The following UTRN variants were observed in gnomAD, a reference collection of about 807,000 sequenced individuals.
UTRN encodes utrophin, also known as dystrophin-related protein 1.
In UTRN, 283 loss-of-function variants were observed where a neutral mutation model predicts 463.9. That is an observed-to-expected ratio of 0.61 (90% CI 0.55 to 0.67). UTRN has a LOEUF of 0.67. Among genes scored for constraint, UTRN ranks in the 30% least tolerant of loss-of-function variants. The pLI is 0.00. For synonymous variants in UTRN, 1,442 were observed against 1,431.5 expected (o/e 1.01, Z -0.17); for missense variants, 3,922 against 4,084.3 (o/e 0.96, Z 1.08).
chr6:144,338,668 GC>G (rs1287248428), intron 2 of UTRN, among the ~76,000 whole-genome samples: 4 of 152,144 alleles, frequency 2.6e-5, no homozygotes, highest in Admixed American at 2.6e-4. Flanking sequence ...GGAGAGAAGA[GC>G]CCCTAGAGGC....
chr6:144,293,794 C>T (rs1804452985), intron 2 of UTRN, among the ~76,000 whole-genome samples: 1 of 152,048 alleles, frequency 6.6e-6, no homozygotes, highest in African/African-American at 2.4e-5. Flanking sequence ...TCTAGCACAT[C>T]TGAACAGATC....
intron 30 of UTRN, among the ~76,000 whole-genome samples, chr6:144,489,198 C>T (rs754088238): frequency 1.3e-4 from 20 of 152,182 alleles, no homozygotes; most frequent in East Asian, 1.2e-3. Context: ...TACAAGCACG[C>T]GCCACCACGC....
intron 2 of UTRN, among the ~76,000 whole-genome samples, chr6:144,335,220 T>A (rs1299058767): frequency 1.3e-5 from 2 of 152,208 alleles, no homozygotes; most frequent in African/African-American, 4.8e-5. Context: ...GGCACATAAG[T>A]GGTCCTGACT....
At chr6:144,505,558 C>T (rs372920261) in intron 34 of UTRN, among the ~76,000 whole-genome samples, 110 of 152,240 alleles carry the variant, frequency 7.2e-4, no homozygotes, top group African/African-American at 2.3e-3. Flanking sequence ...TGTAGTTGTG[C>T]GGTTTTGAGT....
chr6:144,742,372 T>A (rs1790196669), intron 54 of UTRN, among the ~76,000 whole-genome samples: 1 of 152,314 alleles, frequency 6.6e-6, no homozygotes, highest in South Asian at 2.1e-4. Context: ...AAACACTGAT[T>A]GAACATTTCA....
At chr6:144,582,834 G>A (rs1259127476) in intron 51 of UTRN, among the ~76,000 whole-genome samples, 1 of 152,012 alleles carries the variant, frequency 6.6e-6, no homozygotes. Flanking sequence ...TTTGTTTTAG[G>A]TGATTTTGGG....
intron 52 of UTRN, among the ~76,000 whole-genome samples, chr6:144,696,665 A>C (rs1408688620): frequency 6.6e-6 from 1 of 152,134 alleles, no homozygotes; most frequent in Non-Finnish European, 1.5e-5. Context: ...CCATAAACCA[A>C]AATATATATA....
chr6:144,349,095 T>G (rs112819456), intron 2 of UTRN, among the ~76,000 whole-genome samples: 11,590 of 151,640 alleles, frequency 0.076, 1,387 homozygotes, highest in African/African-American at 0.26. Context: ...TGCAAGCTCC[T>G]CCTCCCGGGT....
At chr6:144,314,643 G>A (rs755770031) in intron 2 of UTRN, among the ~76,000 whole-genome samples, 5 of 152,278 alleles carry the variant, frequency 3.3e-5, no homozygotes, top group Non-Finnish European at 7.3e-5. Flanking sequence ...AGAGGAGTTT[G>A]GGACAGTACC....
chr6:144,357,480 C>T (rs550823654), intron 2 of UTRN, among the ~76,000 whole-genome samples: 238 of 152,328 alleles, frequency 1.6e-3, no homozygotes, highest in Middle Eastern at 0.01. Context: ...GTCTTCCTAT[C>T]CTTTCCTCTT....
chr6:144,310,133 C>T (rs1275818614), intron 2 of UTRN, among the ~76,000 whole-genome samples: 1 of 152,262 alleles, frequency 6.6e-6, no homozygotes, highest in Non-Finnish European at 1.5e-5. Context: ...CAGTGCCTGA[C>T]ACATAGTATG....
intron 57 of UTRN, among the ~76,000 whole-genome samples, chr6:144,757,102 T>G (rs1338715150): frequency 6.6e-6 from 1 of 152,062 alleles, no homozygotes; most frequent in Non-Finnish European, 1.5e-5. Flanking sequence ...TATTTGAATT[T>G]TTATATTTGT....
intron 56 of UTRN, among the ~76,000 whole-genome samples, chr6:144,752,321 A>C (rs115855275): frequency 0.014 from 2,188 of 152,058 alleles, 53 homozygotes; most frequent in African/African-American, 0.05. Flanking sequence ...TTGAAAAATC[A>C]GGAAAGTCTC....
chr6:144,485,904 G>A (rs191593754), intron 28 of UTRN, among the ~76,000 whole-genome samples: 1 of 152,254 alleles, frequency 6.6e-6, no homozygotes, highest in Non-Finnish European at 1.5e-5. Context: ...GTTTATAGGG[G>A]ATTCCTGTCT....
intron 2 of UTRN, among the ~76,000 whole-genome samples, chr6:144,318,834 G>T (rs751978259): frequency 6.6e-5 from 10 of 152,282 alleles, no homozygotes; most frequent in Non-Finnish European, 1.2e-4. Context: ...ACTTTGGCCG[G>T]CGTAGGCAGG....
At position 144,674,357 on chromosome 6, in the gene UTRN, G is replaced by T. The variant is rs370709228; in HGVS notation, c.7480-4049G>T. On this transcript the variant is annotated intron_variant, in intron 51 of 74. Coordinates refer to ENST00000367545, the MANE Select transcript of UTRN (RefSeq NM_007124.3). ...TTTTTTTTTTAATTATTTTTTATTT[G>T]TCTTTGTCAGATTGGGTTAGTTGGA... 1.8e-4 allele frequency among the ~76,000 whole-genome samples: 26 copies of T among 145,554 alleles called. No homozygotes were observed. In the East Asian group the frequency reaches 3.9e-3, roughly 22 times the overall value.
intron 65 of UTRN, among the ~76,000 whole-genome samples, chr6:144,815,986 C>T (rs1023687353): frequency 3.3e-5 from 5 of 151,894 alleles, no homozygotes; most frequent in Non-Finnish European, 7.4e-5. Context: ...CTAAGATCAC[C>T]TAAGAGAGGT....
At chr6:144,551,833 T>A (rs1169746268) in intron 48 of UTRN, among the ~76,000 whole-genome samples, 2 of 152,156 alleles carry the variant, frequency 1.3e-5, no homozygotes, top group East Asian at 3.8e-4. Flanking sequence ...CATTTCCTAG[T>A]CTTCTTACCT....
intron 54 of UTRN, among the ~76,000 whole-genome samples, chr6:144,734,418 T>G (rs914199152): frequency 1.3e-5 from 2 of 152,194 alleles, no homozygotes; most frequent in Non-Finnish European, 2.9e-5. Context: ...TTTTCTAGAA[T>G]GAGCACTCAA....
Sources: gnomAD v4.1 joint callset for allele counts (sites outside exome capture counted in the v4.1 genomes callset) on GRCh38, gnomAD v4.1.1 for gene constraint, MANE v1.5 for transcripts, NCBI Gene and HGNC (gene_info 2026-07-23, HGNC 2026-07-21) for gene names.